Variants in LRBA observed in about 807,000 individuals in gnomAD.
LRBA encodes the protein LPS responsive beige-like anchor protein, also known as lipopolysaccharide-responsive and beige-like anchor protein.
LRBA carries 176 observed loss-of-function variants against 330.0 expected under a neutral mutation model. The observed-to-expected ratio is 0.53, with a 90% CI of 0.47 to 0.60. The LOEUF (loss-of-function observed/expected upper bound fraction) is 0.60, where lower values mean the gene tolerates loss of function less well. Among genes scored for constraint, LRBA ranks in the 20% least tolerant of loss-of-function variants. The pLI is 0.00. For missense variants in LRBA, 3,259 were observed against 3,444.8 expected (o/e 0.95, Z 1.35); for synonymous variants, 1,230 against 1,193.0 (o/e 1.03, Z -0.64).
At chr4:150,626,785 A>G (rs1043443849) in intron 37 of LRBA, among the ~76,000 whole-genome samples, 2 of 152,172 alleles carry the variant, frequency 1.3e-5, no homozygotes, top group Non-Finnish European at 2.9e-5. Context: ...TGGGATTACC[A>G]TTAGAAGAGC....
At chr4:150,567,221 G>A (rs74985983) in intron 40 of LRBA, among the ~76,000 whole-genome samples, 4,087 of 152,034 alleles carry the variant, frequency 0.027, 176 homozygotes, top group African/African-American at 0.093. Flanking sequence ...AATAAAAAAC[G>A]TGAGCCAGAG....
At chr4:150,662,391 A>G (rs1781199649) in intron 37 of LRBA, among the ~76,000 whole-genome samples, 1 of 152,162 alleles carries the variant, frequency 6.6e-6, no homozygotes, top group Non-Finnish European at 1.5e-5. Context: ...GGTTGTAGCA[A>G]CCCACTCCCT....
At chr4:150,905,402 A>G (rs546697700) in intron 13 of LRBA, among the ~76,000 whole-genome samples, 1 of 148,536 alleles carries the variant, frequency 6.7e-6, no homozygotes, top group Admixed American at 6.7e-5. Flanking sequence ...CTTAAGAAAT[A>G]AAAAAAAAAG....
At chr4:150,834,497 G>A (rs1045898521) in intron 28 of LRBA, among the ~76,000 whole-genome samples, 1 of 152,290 alleles carries the variant, frequency 6.6e-6, no homozygotes, top group East Asian at 1.9e-4. Context: ...TTATCAATGA[G>A]CAGTAATAAT....
intron 36 of LRBA, chr4:150,721,158 A>G (rs921615358): frequency 8.6e-6 from 5 of 580,066 alleles, no homozygotes; most frequent in Non-Finnish European, 1.3e-5. Context: ...TGCAATGGCC[A>G]TATTTGGTTA....
chr4:150,938,636 T>C (rs1334275521), intron 2 of LRBA, among the ~76,000 whole-genome samples: 4 of 152,150 alleles, frequency 2.6e-5, no homozygotes, highest in African/African-American at 7.2e-5. Context: ...GACCCCTTTT[T>C]CCAGCTACGC....
At chr4:150,322,069 T>G (rs1732592392) in intron 49 of LRBA, among the ~76,000 whole-genome samples, 1 of 152,174 alleles carries the variant, frequency 6.6e-6, no homozygotes, top group Non-Finnish European at 1.5e-5. Flanking sequence ...GTAATGCAAA[T>G]GCTACTGCTT....
At chr4:150,983,665 G>A (rs1741110171) in intron 2 of LRBA, among the ~76,000 whole-genome samples, 1 of 151,634 alleles carries the variant, frequency 6.6e-6, no homozygotes. Context: ...ATGTTGGCCA[G>A]GCTGGTCTCG....
intron 2 of LRBA, among the ~76,000 whole-genome samples, chr4:150,936,673 TACA>T (rs1490606230): frequency 2.0e-5 from 3 of 152,148 alleles, no homozygotes; most frequent in East Asian, 1.9e-4. Flanking sequence ...ATCATCTAGA[TACA>T]ACAATAAAAA....
chr4:150,491,135 A>G (rs1458650525), intron 40 of LRBA, 100 bp from the exon 41 acceptor site: 1 of 493,708 alleles, frequency 2.0e-6, no homozygotes, highest in Non-Finnish European at 3.6e-6. Context: ...TAAGAAAAAT[A>G]ATTTTTAAGA....
intron 33 of LRBA, among the ~76,000 whole-genome samples, chr4:150,803,986 G>A (rs1284641037): frequency 6.6e-6 from 1 of 151,974 alleles, no homozygotes; most frequent in Non-Finnish European, 1.5e-5. Flanking sequence ...TTGCAATACT[G>A]AGAGGCTGTA....
chr4:150,412,540 G>A (rs1221521223), intron 47 of LRBA, among the ~76,000 whole-genome samples: 5 of 151,994 alleles, frequency 3.3e-5, no homozygotes, highest in Non-Finnish European at 5.9e-5. Context: ...TCAAGAGAGC[G>A]GCTTGCCTTA....
chr4:150,927,902 C>G (rs1276795050), intron 4 of LRBA, among the ~76,000 whole-genome samples: 1 of 152,168 alleles, frequency 6.6e-6, no homozygotes, highest in Admixed American at 6.5e-5. Flanking sequence ...GATCAGCTGG[C>G]TGAGCTGTTG....
chr4:150,402,704 C>T (rs1402353558), intron 47 of LRBA, among the ~76,000 whole-genome samples: 2 of 151,828 alleles, frequency 1.3e-5, no homozygotes, highest in African/African-American at 2.4e-5. Flanking sequence ...TCATTGTTTC[C>T]TAGCATTGCA....
chr4:151,014,814 G>A lies in LRBA; in HGVS notation c.-172C>T, dbSNP rs1016748978. 2 of 576,824 alleles carry A rather than the reference G, an allele frequency of 3.5e-6. No homozygotes were observed. The highest frequency in any genetic ancestry group is 3.7e-5 in the African/African-American group (2 of 53,732). 35.7% of individuals were successfully genotyped at this position (576,824 alleles called of 1,614,324 possible). A position where few individuals can be genotyped will look rare whatever the true frequency, so the allele number is the denominator to read the frequency against. On this transcript the variant is annotated 5_prime_UTR_variant, in exon 2 of 57. Coordinates refer to ENST00000651943, the MANE Select transcript of LRBA (RefSeq NM_001364905.1). ...TTGGCGTCGCCCTCCTCCTCTTGGA[G>A]AATATTTGTCCAATCTCTCTCCCCG... is the stretch of plus-strand genomic sequence containing the variant.
chr4:150,293,395 T>G (rs1728571438), intron 53 of LRBA, among the ~76,000 whole-genome samples: 1 of 152,258 alleles, frequency 6.6e-6, no homozygotes, highest in Non-Finnish European at 1.5e-5. Flanking sequence ...GAAAAACTAC[T>G]TGAAATTTGT....
intron 34 of LRBA, among the ~76,000 whole-genome samples, chr4:150,796,149 A>T (rs1261467690): frequency 6.6e-6 from 1 of 151,934 alleles, no homozygotes; most frequent in Non-Finnish European, 1.5e-5. Flanking sequence ...ACCAAAAAAA[A>T]TTATCAATCA....
intron 21 of LRBA, 83 bp from the exon 22 acceptor site, chr4:150,867,946 C>T: frequency 8.7e-7 from 1 of 1,147,552 alleles, no homozygotes; most frequent in Admixed American, 2.4e-5. Flanking sequence ...CAAAATAACC[C>T]TGCCCCTCCC....
intron 22 of LRBA, among the ~76,000 whole-genome samples, chr4:150,866,664 T>C (rs1752727183): frequency 6.6e-6 from 1 of 152,192 alleles, no homozygotes; most frequent in African/African-American, 2.4e-5. Context: ...CTTCTAGGAA[T>C]ATATGCAGAA....
Sources: gnomAD v4.1 joint callset for allele counts (sites outside exome capture counted in the v4.1 genomes callset) on GRCh38, gnomAD v4.1.1 for gene constraint, MANE v1.5 for transcripts, NCBI Gene and HGNC (gene_info 2026-07-23, HGNC 2026-07-21) for gene names.